The following PRSS12 variants were observed in gnomAD, a reference collection of about 807,000 sequenced individuals.
The protein encoded by PRSS12 is neurotrypsin.
PRSS12 carries 85 observed loss-of-function variants against 104.4 expected under a neutral mutation model. The ratio of observed to expected loss-of-function variants is 0.81; its 90% CI spans 0.68 to 0.98. The LOEUF (loss-of-function observed/expected upper bound fraction) is 0.98, where lower values mean the gene tolerates loss of function less well. PRSS12 is among the 50% of genes least tolerant of loss of function. The probability of loss-of-function intolerance (pLI) is 0.00; values close to 1 mark genes in which losing one functional copy is unlikely to be tolerated. For missense variants in PRSS12, 1,141 were observed against 1,139.2 expected (o/e 1.00, Z -0.02); for synonymous variants, 454 against 425.2 (o/e 1.07, Z -0.83).
intron 4 of PRSS12, among the ~76,000 whole-genome samples, chr4:118,324,393 G>C (rs765827984): frequency 6.6e-6 from 1 of 152,026 alleles, no homozygotes; most frequent in Non-Finnish European, 1.5e-5. Flanking sequence ...TAGGCAAAAA[G>C]ACAAGCAACT....
At chr4:118,338,851 G>GTTT (rs1455263391) in intron 1 of PRSS12, among the ~76,000 whole-genome samples, 1 of 152,080 alleles carries the variant, frequency 6.6e-6, no homozygotes, top group Non-Finnish European at 1.5e-5. Context: ...AATAAAATGT[G>GTTT]TTTTCCCCTT....
intron 5 of PRSS12, among the ~76,000 whole-genome samples, chr4:118,318,049 T>C (rs1016235831): frequency 1.3e-5 from 2 of 152,176 alleles, no homozygotes; most frequent in Non-Finnish European, 1.5e-5. Flanking sequence ...AATAGATGAA[T>C]GGACTAAAGA....
chr4:118,340,444 C>A (rs1252311212), intron 1 of PRSS12, among the ~76,000 whole-genome samples: 1 of 152,190 alleles, frequency 6.6e-6, no homozygotes, highest in African/African-American at 2.4e-5. Context: ...CTAACAGTGT[C>A]CTCCACATGG....
chr4:118,323,820 T>C (rs995213208), intron 4 of PRSS12, among the ~76,000 whole-genome samples: 9 of 151,438 alleles, frequency 5.9e-5, no homozygotes, highest in Admixed American at 1.3e-4. Flanking sequence ...TATATATATA[T>C]ACACACACAC....
At chr4:118,351,822 A>G (rs1323011198) in intron 1 of PRSS12, among the ~76,000 whole-genome samples, 22 of 152,166 alleles carry the variant, frequency 1.4e-4, no homozygotes, top group Admixed American at 1.2e-3. Flanking sequence ...CCTTTCCAGA[A>G]CAAGTAATTA....
At position 118,343,566 on chromosome 4, in the gene PRSS12, G is replaced by A. The variant is rs115957440; in HGVS notation, c.503-5252C>T. Among the ~76,000 whole-genome samples, 262 of 152,246 alleles carry A rather than the reference G, an allele frequency of 1.7e-3. 1 individual carries two copies. Among genetic ancestry groups the A allele is most frequent in the Non-Finnish European group, 3.2e-3 (216 of 68,020 alleles). On this transcript the variant is annotated intron_variant, in intron 1 of 12. Coordinates refer to ENST00000296498, the MANE Select transcript of PRSS12 (RefSeq NM_003619.4). Reference sequence around the variant, plus strand: ...ATGAAAAGATATCCCTGTTCAGCCTGGATAACATAGCAAGACCCCACCTCT... The same window carrying A: ...ATGAAAAGATATCCCTGTTCAGCCTAGATAACATAGCAAGACCCCACCTCT...
At chr4:118,318,681 G>T in intron 4 of PRSS12, 125 bp from the exon 5 acceptor site, 1 of 943,708 alleles carries the variant, frequency 1.1e-6, no homozygotes, top group Non-Finnish European at 1.6e-6. Context: ...CACAGGTCAT[G>T]CATGACTTTC....
chr4:118,294,337 A>G (rs1341983436), intron 11 of PRSS12, among the ~76,000 whole-genome samples: 1 of 152,216 alleles, frequency 6.6e-6, no homozygotes, highest in Non-Finnish European at 1.5e-5. Flanking sequence ...ACAAAAAAGC[A>G]CTAAACAAGA....
In PRSS12 at chr4:118,314,406, CTTCT is replaced by C. The variant is rs1209042680; in HGVS notation, c.1293-1013_1293-1010del. 8.6e-5 allele frequency among the ~76,000 whole-genome samples: 13 copies of C among 151,910 alleles called. 1 individual carries two copies. In the South Asian group the frequency reaches 1.0e-3, roughly 12 times the overall value. ...TTTAATCATTCTATGGCTTCTCTTC[CTTCT>C]ATTTTGCTGACTAATCAACCCTTGG... On this transcript the variant is annotated intron_variant, in intron 6 of 12. Transcript: ENST00000296498.
rs1724033757 is a variant in PRSS12 at position 118,335,376 on chromosome 4, T to C, written c.820+97A>G. 4.2e-6 allele frequency: 6 copies of C among 1,413,870 alleles called. No homozygotes were observed. In the East Asian group the frequency reaches 1.4e-4, roughly 34 times the overall value. 87.6% of individuals were successfully genotyped at this position (1,413,870 alleles called of 1,614,324 possible). On this transcript the variant is annotated intron_variant, in intron 3 of 12. Transcript: ENST00000296498. ...CAGACTTATTTCTGTAATTAAAGTCTTTAAGGAAATGATTATAACTAAGAC... is the reference window on the plus strand; with the variant it reads ...CAGACTTATTTCTGTAATTAAAGTCCTTAAGGAAATGATTATAACTAAGAC...
At chr4:118,285,467 T>C (rs1477032318) in intron 11 of PRSS12, among the ~76,000 whole-genome samples, 1 of 152,220 alleles carries the variant, frequency 6.6e-6, no homozygotes, top group Non-Finnish European at 1.5e-5. Flanking sequence ...CAAGAATTAT[T>C]GTAAATACAT....
At position 118,352,420 on chromosome 4, in the gene PRSS12, T is replaced by C; in HGVS notation, c.301A>G (p.Ser101Gly). Reference sequence around the variant, plus strand: ...CACGGGGCGCCGAAGTCCGTCACGCTGACCCATGGCTCGCCGGCGGGGCAG... The same window carrying C: ...CACGGGGCGCCGAAGTCCGTCACGCCGACCCATGGCTCGCCGGCGGGGCAG... ...WGCPAGEPWV[S>G]VTDFGAPCLR... Residue 101 changes from serine (S) to glycine (G), a missense_variant, in exon 1 of 13, where the codon AGC becomes GGC. By Grantham distance (56) the Ser-to-Gly change is moderately conservative (BLOSUM62 0). Transcript: ENST00000296498. 2 of 1,526,270 alleles carry C rather than the reference T, an allele frequency of 1.3e-6. No homozygotes were observed. The highest frequency in any genetic ancestry group is 1.2e-5 in the South Asian group (1 of 82,160). The allele number at this position is 1,526,270 out of a possible 1,614,324, so 94.5% of individuals were successfully genotyped here. A position where few individuals can be genotyped will look rare whatever the true frequency, so the allele number is the denominator to read the frequency against.
At chr4:118,350,350 G>A (rs1466071042) in intron 1 of PRSS12, among the ~76,000 whole-genome samples, 2 of 152,108 alleles carry the variant, frequency 1.3e-5, no homozygotes, top group African/African-American at 4.8e-5. Flanking sequence ...TGAAATGTAG[G>A]ACCAAGAGAG....
intron 1 of PRSS12, among the ~76,000 whole-genome samples, chr4:118,340,461 C>T (rs1724172123): frequency 6.6e-6 from 1 of 152,220 alleles, no homozygotes; most frequent in Admixed American, 6.5e-5. Flanking sequence ...ATGGTTTATC[C>T]TTTCCTAAGG....
At chr4:118,318,334 T>C (rs1349806873) in intron 5 of PRSS12, 44 bp downstream of exon 5, 3 of 1,596,786 alleles carry the variant, frequency 1.9e-6, no homozygotes, top group Non-Finnish European at 2.6e-6. Flanking sequence ...GCCGACATGG[T>C]ACTGGGGGCA....
intron 11 of PRSS12, among the ~76,000 whole-genome samples, chr4:118,290,092 T>A (rs1743096153): frequency 6.6e-6 from 1 of 152,200 alleles, no homozygotes. Context: ...GTATCTACTA[T>A]GTGCCAAGTC....
chr4:118,315,582 A>G (rs1258546986), intron 6 of PRSS12, among the ~76,000 whole-genome samples: 1 of 152,204 alleles, frequency 6.6e-6, no homozygotes, highest in African/African-American at 2.4e-5. Context: ...TTAACTCAAA[A>G]GCATCATTTG....
rs139610570 is a variant in PRSS12, at chr4:118,282,288, C to T, written c.2321-45G>A. 2.8e-3 allele frequency: 4,474 copies of T among 1,606,268 alleles called. 18 individuals are homozygous for T. The highest frequency in any genetic ancestry group is 9.2e-3 in the South Asian group (829 of 90,526). ...GATTAGTGGCATTCCAGATAACCAT[C>T]GCAACATTTAACAGTTACTGAGCAT... On this transcript the variant is annotated intron_variant, in intron 12 of 12. Coordinates refer to ENST00000296498, the MANE Select transcript of PRSS12 (RefSeq NM_003619.4).
chr4:118,332,336 T>C (rs950928086), intron 3 of PRSS12, among the ~76,000 whole-genome samples: 1 of 152,222 alleles, frequency 6.6e-6, no homozygotes, highest in Non-Finnish European at 1.5e-5. Context: ...AAAGTTAATA[T>C]CTAATTCGTT....
Sources: gnomAD v4.1 joint callset for allele counts (sites outside exome capture counted in the v4.1 genomes callset) on GRCh38, gnomAD v4.1.1 for gene constraint, MANE v1.5 for transcripts, NCBI Gene and HGNC (gene_info 2026-07-23, HGNC 2026-07-21) for gene names.